The following NRXN3 variants were observed in gnomAD, a reference collection of about 807,000 sequenced individuals.
The protein encoded by NRXN3 is neurexin 3, also known as neurexin III.
A neutral mutation model predicts 137.6 loss-of-function variants in NRXN3; 32 were observed. That is an observed-to-expected ratio of 0.23 (90% CI 0.18 to 0.31). The LOEUF is 0.31. Among genes scored for constraint, NRXN3 ranks in the 10% least tolerant of loss-of-function variants. The pLI, the probability that NRXN3 is intolerant of heterozygous loss-of-function variation, is 1.00. For synonymous variants in NRXN3, 798 were observed against 784.5 expected, an observed-to-expected ratio of 1.02 and a Z score of -0.29; for missense variants, 1,574 against 2,062.5, an observed-to-expected ratio of 0.76 and a Z score of 4.59.
At chr14:79,733,204 A>T (rs7148220) in intron 19 of NRXN3, among the ~76,000 whole-genome samples, 43,791 of 151,838 alleles carry the variant, frequency 0.29, 6,743 homozygotes, top group Middle Eastern at 0.37. Context: ...AAATTTTTTT[A>T]AAAAAATGTG....
chr14:79,796,772 A>G (rs749974580), intron 19 of NRXN3, among the ~76,000 whole-genome samples: 1 of 152,202 alleles, frequency 6.6e-6, no homozygotes, highest in East Asian at 1.9e-4. Context: ...AAGAAGAAAA[A>G]GAATATGCTG....
chr14:78,404,335 T>C (rs2092340499), intron 4 of NRXN3, among the ~76,000 whole-genome samples: 2 of 152,152 alleles, frequency 1.3e-5, no homozygotes, highest in East Asian at 1.9e-4. Context: ...GAGGCAGCTA[T>C]AGATTTCTTA....
At chr14:78,598,706 G>T (rs924750102) in intron 4 of NRXN3, among the ~76,000 whole-genome samples, 2 of 152,210 alleles carry the variant, frequency 1.3e-5, no homozygotes. Context: ...TGAAGACAGG[G>T]TTATATGTAG....
intron 16 of NRXN3, among the ~76,000 whole-genome samples, chr14:79,483,581 G>T (rs772743685): frequency 1.3e-5 from 2 of 152,180 alleles, no homozygotes; most frequent in Non-Finnish European, 2.9e-5. Context: ...TGCAGTCTGA[G>T]CTCCAGTGAC....
intron 15 of NRXN3, among the ~76,000 whole-genome samples, chr14:79,324,485 A>C (rs147852512): frequency 2.1e-4 from 32 of 152,322 alleles, no homozygotes; most frequent in Non-Finnish European, 4.4e-4. Flanking sequence ...TATACCATGC[A>C]TTCTGGATCA....
chr14:78,493,023 A>G lies in NRXN3; in HGVS notation c.758-152097A>G, dbSNP rs185973033. ...CTTCACCAGTTCTGGTTCTGCATAG[A>G]AAGTCTTTAGAGGAATGTACCCTTT... is the stretch of plus-strand genomic sequence containing the variant. On this transcript the variant is annotated intron_variant, in intron 4 of 20. Coordinates refer to ENST00000335750, the MANE Select transcript of NRXN3 (RefSeq NM_001330195.2). Among the ~76,000 whole-genome samples, 34 of 152,222 alleles carry G rather than the reference A, an allele frequency of 2.2e-4. No homozygotes were observed. In the East Asian group the frequency reaches 6.2e-3, roughly 28 times the overall value.
At chr14:78,765,176 G>T (rs552991412) in intron 8 of NRXN3, among the ~76,000 whole-genome samples, 1 of 152,066 alleles carries the variant, frequency 6.6e-6, no homozygotes, top group Admixed American at 6.5e-5. Context: ...TGTTTGAAAT[G>T]GAGTTTCACT....
chr14:78,198,598 A>G (rs1040354791), intron 1 of NRXN3, among the ~76,000 whole-genome samples: 6 of 152,080 alleles, frequency 3.9e-5, no homozygotes, highest in Middle Eastern at 3.4e-3. Context: ...GGTGCAGCCA[A>G]CTCCTCTGCT....
intron 2 of NRXN3, among the ~76,000 whole-genome samples, chr14:78,252,780 A>G (rs1388176564): frequency 6.6e-6 from 1 of 152,238 alleles, no homozygotes; most frequent in African/African-American, 2.4e-5. Flanking sequence ...GAGAATAGAA[A>G]AAGTACAGTG....
At chr14:79,163,554 T>G (rs1303001993) in intron 15 of NRXN3, among the ~76,000 whole-genome samples, 1 of 151,956 alleles carries the variant, frequency 6.6e-6, no homozygotes, top group Non-Finnish European at 1.5e-5. Flanking sequence ...AATCCAGTCA[T>G]GGCCTGACAA....
At chr14:79,333,526 C>G (rs540816889) in intron 15 of NRXN3, among the ~76,000 whole-genome samples, 1 of 152,268 alleles carries the variant, frequency 6.6e-6, no homozygotes, top group African/African-American at 2.4e-5. Context: ...TGGAGTTCTT[C>G]TTCCCACCAT....
intron 4 of NRXN3, among the ~76,000 whole-genome samples, chr14:78,375,026 A>G (rs1458056345): frequency 6.6e-6 from 1 of 152,224 alleles, no homozygotes; most frequent in Admixed American, 6.5e-5. Flanking sequence ...TCTGGCTTCT[A>G]AAGAAATCCA....
chr14:78,196,637 G>A (rs1384787108), intron 1 of NRXN3, among the ~76,000 whole-genome samples: 1 of 152,242 alleles, frequency 6.6e-6, no homozygotes, highest in Non-Finnish European at 1.5e-5. Context: ...AGGTGCTGCA[G>A]TAGGTGCAGG....
intron 15 of NRXN3, among the ~76,000 whole-genome samples, chr14:79,014,690 G>C (rs1594924892): frequency 6.6e-6 from 1 of 152,158 alleles, no homozygotes; most frequent in Non-Finnish European, 1.5e-5. Context: ...AACCATTGGT[G>C]GGGAGCTAGT....
chr14:79,607,092 A>G (rs2153839921), intron 16 of NRXN3, among the ~76,000 whole-genome samples: 1 of 152,314 alleles, frequency 6.6e-6, no homozygotes, highest in African/African-American at 2.4e-5. Flanking sequence ...GGGTATGTGT[A>G]TTTGTCCTGT....
rs536061935 is a variant in NRXN3, at chr14:78,842,494, G to T, written c.2275+32150G>T. ...ATAAGATATCACAAGGTAAATGGAG[G>T]CAGGGCGAGATCACAGGACCACAGG... On this transcript the variant is annotated intron_variant, in intron 10 of 20. Transcript: ENST00000335750. Among the ~76,000 whole-genome samples the T allele has an allele frequency of 5.8e-4, 89 of 152,200 alleles. 1 individual carries two copies. The highest frequency in any genetic ancestry group is 2.0e-3 in the African/African-American group (84 of 41,528).
At chr14:78,654,298 T>C (rs2097769174) in intron 6 of NRXN3, among the ~76,000 whole-genome samples, 1 of 152,224 alleles carries the variant, frequency 6.6e-6, no homozygotes, top group Admixed American at 6.5e-5. Context: ...AATCTCTTCT[T>C]CCCCTTCCTT....
intron 4 of NRXN3, among the ~76,000 whole-genome samples, chr14:78,531,159 C>G (rs1396467949): frequency 6.6e-6 from 1 of 152,182 alleles, no homozygotes; most frequent in Non-Finnish European, 1.5e-5. Flanking sequence ...TGGCAATAGA[C>G]ATCCTGGGCT....
rs2270964 is a variant in NRXN3, at chr14:78,968,350, C to T, written c.3142+4C>T. 3 of 1,611,762 alleles carry T rather than the reference C, an allele frequency of 1.9e-6. No homozygotes were observed. The African/African-American group carries it at 4.0e-5, about 22-fold the overall frequency. ...CAGATCGAGCGTGGCTGTGAAGGTA[C>T]AACCTATTTTTTTCTTGTTAAGCTA... On this transcript the variant is annotated splice_donor_region_variant and intron_variant, in intron 14 of 20. Transcript: ENST00000335750.
Sources: allele counts gnomAD v4.1 joint callset (sites outside exome capture counted in the v4.1 genomes callset), GRCh38; gene constraint gnomAD v4.1.1; transcripts MANE v1.5; gene names NCBI Gene and HGNC (gene_info 2026-07-23, HGNC 2026-07-21).